NLRP13: variants seen among roughly 807,000 people sequenced by gnomAD.
The protein encoded by NLRP13 is NACHT, LRR and PYD domains-containing protein 13.
A neutral mutation model predicts 94.4 loss-of-function variants in NLRP13; 82 were observed. The ratio of observed to expected loss-of-function variants is 0.87; its 90% CI spans 0.73 to 1.04. NLRP13 has a LOEUF of 1.04. Among genes scored for constraint, NLRP13 ranks in the 50% least tolerant of loss-of-function variants. The pLI is 0.00. For synonymous variants in NLRP13, 553 were observed against 464.7 expected (o/e 1.19, Z -2.45); for missense variants, 1,426 against 1,230.8 (o/e 1.16, Z -2.37).
At chr19:55,901,388 T>C (rs1169956855) in intron 9 of NLRP13, among the ~76,000 whole-genome samples, 1 of 152,024 alleles carries the variant, frequency 6.6e-6, no homozygotes, top group South Asian at 2.1e-4. Flanking sequence ...TCTTAGATAA[T>C]GTGGGCACTT....
chr19:55,926,076 G>A (rs1986959766), intron 1 of NLRP13, among the ~76,000 whole-genome samples: 1 of 152,170 alleles, frequency 6.6e-6, no homozygotes, highest in Non-Finnish European at 1.5e-5. Context: ...AGGAAAAGTA[G>A]ACGATTTTCC....
intron 1 of NLRP13, among the ~76,000 whole-genome samples, chr19:55,930,898 A>ATATATATACATAT: frequency 2.9e-5 from 3 of 104,888 alleles, no homozygotes; most frequent in Non-Finnish European, 3.8e-5. Context: ...ATATATATAT[A>ATATATATACATAT]AAATTTTAAC....
chr19:55,906,414 A>G (rs137960376), intron 7 of NLRP13, among the ~76,000 whole-genome samples: 53 of 152,018 alleles, frequency 3.5e-4, no homozygotes, highest in African/African-American at 1.3e-3. Context: ...AAGTATGTCA[A>G]TGTGATAAGT....
chr19:55,932,071 C>T lies in NLRP13; in HGVS notation c.241G>A (p.Ala81Thr). 2 of 1,614,140 alleles carry T rather than the reference C, an allele frequency of 1.2e-6. No individual in the cohort carries two copies. The highest frequency in any genetic ancestry group is 2.2e-5 in the South Asian group (2 of 91,076). ...LLDEHFPKGQAWKVVLGIFQT... is the reference protein window; with the variant it reads ...LLDEHFPKGQTWKVVLGIFQT... ...AAGATGCCGAGGACCACTTTCCATG[C>T]CTGACCTTTTGGGAAGTGTTCATCC... Residue 81 changes from alanine to threonine, a missense_variant, in exon 1 of 11, where the codon GCA (alanine) becomes ACA (threonine). Transcript: ENST00000342929.
intron 4 of NLRP13, among the ~76,000 whole-genome samples, chr19:55,919,896 A>T (rs774250904): frequency 2.6e-5 from 4 of 152,170 alleles, no homozygotes; most frequent in Non-Finnish European, 5.9e-5. Context: ...CAAAAAGGAC[A>T]AATCTGTATG....
At chr19:55,891,876 C>T, downstream of NLRP13, 1 of 391,362 alleles carries the variant, frequency 2.6e-6, no homozygotes, top group Non-Finnish European at 4.5e-6. Flanking sequence ...GTGACAAAGC[C>T]TCCTGCAGGG....
downstream of NLRP13, among the ~76,000 whole-genome samples, chr19:55,894,854 T>A (rs1283752824): frequency 6.6e-6 from 1 of 152,140 alleles, no homozygotes; most frequent in African/African-American, 2.4e-5. Context: ...ACAAGAATGA[T>A]AAACAGAAGC....
intron 1 of NLRP13, among the ~76,000 whole-genome samples, chr19:55,931,724 A>AGAAAGAAGGAAAGAAAGAAAGAAAGAC (rs1568449426): frequency 1.5e-5 from 2 of 137,026 alleles, no homozygotes; most frequent in Non-Finnish European, 3.2e-5. Flanking sequence ...AAAAAAAAAA[A>AGAAAGAAGGAAAGAAAGAAAGAAAGAC]AGAAAGAAAG....
chr19:55,911,612 AACG>A, intron 5 of NLRP13, 91 bp downstream of exon 5: 1 of 1,221,764 alleles, frequency 8.2e-7, no homozygotes, highest in Non-Finnish European at 1.1e-6. Flanking sequence ...ACGAATACAT[AACG>A]ACAACACATC....
chr19:55,910,612 C>G lies in NLRP13; in HGVS notation c.2233G>C (p.Gly745Arg). The change falls in exon 6 of 11, where the codon GGT becomes CGT. Residue 745 changes from glycine (G) to arginine (R), a missense_variant. Transcript: ENST00000342929. ...NSKLHASSVK[G>R]LCLALKNPRC... ...GGATTTTTCAGTGCAAGACAGAGAC[C>G]CTTCACAGAGGAAGCATGAAGTTTG... 6.2e-7 allele frequency: 1 copy of G among 1,613,296 alleles called. No homozygotes were observed. The highest frequency in any genetic ancestry group is 8.5e-7 in the Non-Finnish European group (1 of 1,179,460).
At chr19:55,914,402 T>G (rs1245915567) in intron 4 of NLRP13, among the ~76,000 whole-genome samples, 2 of 152,212 alleles carry the variant, frequency 1.3e-5, no homozygotes, top group Non-Finnish European at 2.9e-5. Context: ...CTCCAGGTTT[T>G]ATAAAGAATA....
chr19:55,919,421 G>A (rs1986755949), intron 4 of NLRP13, among the ~76,000 whole-genome samples: 1 of 151,976 alleles, frequency 6.6e-6, no homozygotes, highest in South Asian at 2.1e-4. Context: ...TTGTAAAGAA[G>A]AAGCCAAATT....
In NLRP13 at chr19:55,910,724, C is replaced by G; in HGVS notation, c.2121G>C (p.Lys707Asn). The change falls in exon 6 of 11, where the codon AAG becomes AAC. Residue 707 changes from lysine (K) to asparagine (N), a missense_variant. By Grantham distance (94) the Lys-to-Asn change is moderately conservative. Transcript: ENST00000342929. ...TCCATGCGTGCATCCTGGAATCAAA[C>G]TTGCTTGTCCTTCATGAGGGAGAGA... is the stretch of plus-strand genomic sequence containing the variant. ...ERDLEILETS[K>N]FDSRMHAWNS... 2 of 1,606,496 alleles carry G rather than the reference C, an allele frequency of 1.2e-6. No homozygotes were observed. The highest frequency in any genetic ancestry group is 1.7e-6 in the Non-Finnish European group (2 of 1,174,310).
intron 1 of NLRP13, among the ~76,000 whole-genome samples, chr19:55,930,216 A>C (rs1987077881): frequency 6.6e-6 from 1 of 152,202 alleles, no homozygotes; most frequent in Non-Finnish European, 1.5e-5. Flanking sequence ...GCCTTTGGAG[A>C]CACACTGCCT....
At chr19:55,924,557 A>C in intron 3 of NLRP13, 33 bp downstream of exon 3, 2 of 1,503,894 alleles carry the variant, frequency 1.3e-6, no homozygotes, top group South Asian at 2.3e-5. Flanking sequence ...CCATCAAGCA[A>C]CCTGTCAATT....
intron 1 of NLRP13, among the ~76,000 whole-genome samples, chr19:55,927,634 C>G (rs1044081055): frequency 2.6e-5 from 4 of 152,040 alleles, no homozygotes; most frequent in African/African-American, 9.7e-5. Flanking sequence ...CTTAAACAAT[C>G]ATCCATAAAC....
At chr19:55,910,376 G>A (rs956354037) in intron 6 of NLRP13, among the ~76,000 whole-genome samples, 187 bp downstream of exon 6, 2 of 152,180 alleles carry the variant, frequency 1.3e-5, no homozygotes, top group African/African-American at 4.8e-5. Flanking sequence ...ATTCTTGATA[G>A]ATCGGCATTT....
Position 55,910,699 on chromosome 19 carries a change from T to C in NLRP13, c.2146A>G (p.Asn716Asp), listed in dbSNP as rs751756447. The change falls in exon 6 of 11, where the codon AAC becomes GAC. Residue 716 changes from asparagine (N) to aspartate (D), a missense_variant. Physicochemically the swap from Asn to Asp is conservative, Grantham distance 23 (BLOSUM62 1). Coordinates refer to ENST00000342929, the MANE Select transcript of NLRP13 (RefSeq NM_176810.2). ...SKFDSRMHAWNSICSTLVTNE... is the reference protein window; with the variant it reads ...SKFDSRMHAWDSICSTLVTNE... ...GTGACCAACGTAGAGCAAATGCTGT[T>C]CCATGCGTGCATCCTGGAATCAAAC... is the stretch of plus-strand genomic sequence containing the variant. 1.9e-6 allele frequency: 3 copies of C among 1,611,740 alleles called. No individual in the cohort carries two copies. Among genetic ancestry groups the C allele is most frequent in the East Asian group, 4.5e-5 (2 of 44,856 alleles).
chr19:55,894,765 T>C (rs1363050759), downstream of NLRP13, among the ~76,000 whole-genome samples: 2 of 152,188 alleles, frequency 1.3e-5, no homozygotes, highest in African/African-American at 4.8e-5. Flanking sequence ...CTGTCTACCA[T>C]GCCATGGTGC....
Sources: allele counts gnomAD v4.1 joint callset (sites outside exome capture counted in the v4.1 genomes callset), GRCh38; gene constraint gnomAD v4.1.1; transcripts MANE v1.5; gene names NCBI Gene and HGNC (gene_info 2026-07-23, HGNC 2026-07-21).